The following GSE1 variants were observed in gnomAD, a reference collection of about 807,000 sequenced individuals.
GSE1 encodes the protein genetic suppressor element 1.
GSE1 carries 32 observed loss-of-function variants against 112.6 expected under a neutral mutation model. The observed-to-expected ratio is 0.28, with a 90% confidence interval of 0.21 to 0.38. The LOEUF (loss-of-function observed/expected upper bound fraction) is 0.38. Among genes scored for constraint, GSE1 ranks in the 10% least tolerant of loss-of-function variants. The probability of loss-of-function intolerance (pLI) is 1.00; values close to 1 mark genes in which losing one functional copy is unlikely to be tolerated. For synonymous variants in GSE1, 1,115 were observed against 735.6 expected (o/e 1.52, Z -8.35); for missense variants, 2,348 against 1,699.2 (o/e 1.38, Z -6.71).
intron 1 of GSE1, among the ~76,000 whole-genome samples, chr16:85,190,862 A>G (rs575695931): frequency 7.9e-5 from 12 of 152,362 alleles, no homozygotes; most frequent in Non-Finnish European, 1.5e-4. Flanking sequence ...GATGGTGAGC[A>G]GCATCCTGCA....
chr16:85,613,273 C>T (rs2048116180), upstream of GSE1: 3 of 1,536,374 alleles, frequency 2.0e-6, no homozygotes, highest in African/African-American at 1.4e-5. Flanking sequence ...GCTCCACCTC[C>T]CCAGCGGGCC....
intron 1 of GSE1, among the ~76,000 whole-genome samples, chr16:85,309,716 G>T (rs1402256329): frequency 6.6e-6 from 1 of 152,228 alleles, no homozygotes; most frequent in Non-Finnish European, 1.5e-5. Flanking sequence ...TGCTGTCTGA[G>T]CTGGCATTCA....
intron 1 of GSE1, among the ~76,000 whole-genome samples, chr16:85,633,224 C>T (rs992505424): frequency 6.6e-6 from 1 of 152,234 alleles, no homozygotes; most frequent in Non-Finnish European, 1.5e-5. Context: ...TGTTCTTCCC[C>T]ACCGCTCCCT....
chr16:85,302,398 C>T (rs931157630), intron 1 of GSE1, among the ~76,000 whole-genome samples: 17 of 151,950 alleles, frequency 1.1e-4, no homozygotes, highest in Admixed American at 9.8e-4. Flanking sequence ...AATCTCTTGT[C>T]GGCCCAGTTT....
At chr16:85,651,336 C>T (rs918605249) in intron 3 of GSE1, among the ~76,000 whole-genome samples, 6 of 151,906 alleles carry the variant, frequency 3.9e-5, no homozygotes, top group South Asian at 2.1e-4. Context: ...GTTGGCCGGG[C>T]GCCAGCCAGA....
At chr16:85,479,307 C>T (rs1289489686) in intron 2 of GSE1, among the ~76,000 whole-genome samples, 1 of 146,980 alleles carries the variant, frequency 6.8e-6, no homozygotes, top group African/African-American at 2.5e-5. Flanking sequence ...GCTAGGATTA[C>T]AGGCGTGAGC....
intron 1 of GSE1, among the ~76,000 whole-genome samples, chr16:85,561,871 A>T (rs1039399935): frequency 8.5e-5 from 13 of 152,160 alleles, no homozygotes; most frequent in African/African-American, 2.9e-4. Context: ...TGCTTCCAGA[A>T]AGTCAAGGTG....
intron 2 of GSE1, among the ~76,000 whole-genome samples, 159 bp downstream of exon 2, chr16:85,634,291 G>A (rs1053945011): frequency 6.6e-6 from 1 of 152,246 alleles, no homozygotes; most frequent in Non-Finnish European, 1.5e-5. Flanking sequence ...ACAGACCCTG[G>A]GCCAGTCCGC....
chr16:85,306,546 C>A (rs932947468), intron 1 of GSE1, among the ~76,000 whole-genome samples: 35 of 152,286 alleles, frequency 2.3e-4, no homozygotes, highest in African/African-American at 8.4e-4. Flanking sequence ...AACTTTCTAG[C>A]CTTTTTTTAA....
At chr16:85,659,403 A>C (rs2052244409) in intron 8 of GSE1, 1 of 152,358 alleles carries the variant, frequency 6.6e-6, no homozygotes, top group African/African-American at 2.4e-5. Flanking sequence ...ACATGCCTGT[A>C]GGCCCAACTA....
intron 2 of GSE1, among the ~76,000 whole-genome samples, chr16:85,402,694 G>T (rs1441978029): frequency 1.3e-5 from 2 of 152,186 alleles, no homozygotes; most frequent in Non-Finnish European, 2.9e-5. Context: ...GGCTGAGGCG[G>T]GAGGTTCACT....
At chr16:85,515,578 C>G (rs1282248851) in intron 2 of GSE1, among the ~76,000 whole-genome samples, 1 of 151,582 alleles carries the variant, frequency 6.6e-6, no homozygotes, top group Non-Finnish European at 1.5e-5. Flanking sequence ...CCCTGGGGCG[C>G]CAGGGGCCCA....
At chr16:85,648,530 GC>G (rs2051071147) in intron 2 of GSE1, 21 bp from the exon 3 acceptor site, 6 of 1,399,008 alleles carry the variant, frequency 4.3e-6, no homozygotes, top group Non-Finnish European at 5.8e-6. Context: ...TCCCACTCAG[GC>G]CACCGTCTTC....
At chr16:85,390,669 A>G (rs2047817523) in intron 2 of GSE1, among the ~76,000 whole-genome samples, 1 of 138,676 alleles carries the variant, frequency 7.2e-6, no homozygotes, top group Admixed American at 7.2e-5. Context: ...GTGTTCCCGT[A>G]CCCCCGCCTT....
intron 2 of GSE1, among the ~76,000 whole-genome samples, chr16:85,528,141 C>T (rs1480588779): frequency 6.6e-6 from 1 of 152,160 alleles, no homozygotes; most frequent in Non-Finnish European, 1.5e-5. Context: ...GGTGTGTGGG[C>T]GTGAGCTGGA....
chr16:85,373,120 G>A lies in GSE1; in HGVS notation c.2464+15477G>A, dbSNP rs550142060. ...CTTCTAGGCCCAGGTCCTCTGCCAGGACAGGCAGGTGTCAGCAACAGCAGC... is the reference window on the plus strand; with the variant it reads ...CTTCTAGGCCCAGGTCCTCTGCCAGAACAGGCAGGTGTCAGCAACAGCAGC... On this transcript the variant is annotated intron_variant, in intron 2 of 2. Coordinates refer to the GSE1 transcript ENST00000637419. This position sits in a 1 kb window ranked among gnomAD's most constrained non-coding sequence, Gnocchi z 5.1. 7.2e-5 allele frequency among the ~76,000 whole-genome samples: 11 copies of A among 152,370 alleles called. No individual in the cohort carries two copies. Among genetic ancestry groups the A allele is most frequent in the Middle Eastern group, 6.8e-3 (2 of 294 alleles).
rs777125734 is a variant in GSE1 at position 85,666,139 on chromosome 16, C to T, written c.2922C>T (p.Ala974=). The T allele has an allele frequency of 2.5e-6, 4 of 1,613,242 alleles. No individual in the cohort carries two copies. Among genetic ancestry groups the T allele is most frequent in the Non-Finnish European group, 3.4e-6 (4 of 1,180,006 alleles). ...QELAPASGEK[A]RLSEAPGGKK... ...TAGCTCCTGCCAGCGGGGAGAAGGC[C>T]AGGCTGAGCGAGGCCCCTGGAGGCA... The change falls in exon 13 of 16, where the codon GCC becomes GCT. Residue 974 remains alanine (A), a synonymous_variant. Coordinates refer to ENST00000253458, the MANE Select transcript of GSE1 (RefSeq NM_014615.5).
intron 1 of GSE1, among the ~76,000 whole-genome samples, chr16:85,322,792 T>G (rs188733250): frequency 6.6e-6 from 1 of 152,132 alleles, no homozygotes; most frequent in Non-Finnish European, 1.5e-5. Context: ...ATTTTTGTAT[T>G]TTTAGTAGAG....
chr16:85,635,041 CG>C (rs1485383966), intron 2 of GSE1, among the ~76,000 whole-genome samples: 5 of 152,152 alleles, frequency 3.3e-5, no homozygotes, highest in Non-Finnish European at 5.9e-5. Context: ...CAGGGCCCTC[CG>C]GGGTGGCCAC....
Sources: allele counts gnomAD v4.1 joint callset (sites outside exome capture counted in the v4.1 genomes callset), GRCh38; gene constraint gnomAD v4.1.1; non-coding constraint Gnocchi (gnomAD v3.1); transcripts MANE v1.5; gene names NCBI Gene and HGNC (gene_info 2026-07-23, HGNC 2026-07-21).